NCAPD2: variants seen among roughly 807,000 people sequenced by gnomAD.
NCAPD2 encodes the protein condensin complex subunit 1.
NCAPD2 carries 100 observed loss-of-function variants against 164.5 expected under a neutral mutation model. The observed-to-expected ratio is 0.61, with a 90% confidence interval of 0.52 to 0.72. The LOEUF is 0.72. NCAPD2 is among the 30% of genes least tolerant of loss of function. The probability of loss-of-function intolerance (pLI) is 0.00; values close to 1 mark genes in which losing one functional copy is unlikely to be tolerated. For missense variants in NCAPD2, 1,560 were observed against 1,749.2 expected (o/e 0.89, Z 1.93); for synonymous variants, 585 against 642.6 (o/e 0.91, Z 1.36).
rs191498990 is a variant in NCAPD2 at position 6,525,255 on chromosome 12, T to A, written c.2215-328T>A. 3.9e-5 allele frequency among the ~76,000 whole-genome samples: 6 copies of A among 152,352 alleles called. No homozygotes were observed. In the East Asian group the frequency reaches 1.2e-3, roughly 29 times the overall value. On this transcript the variant is annotated intron_variant, in intron 17 of 31. Coordinates refer to ENST00000315579, the MANE Select transcript of NCAPD2 (RefSeq NM_014865.4). ...TGAAAAGGCAAGGAAGGATGATGGC[T>A]TCCATGTTGGACATGTTGAGTTTGT...
chr12:6,505,022 T>C (rs945852836), intron 2 of NCAPD2, among the ~76,000 whole-genome samples: 2 of 152,166 alleles, frequency 1.3e-5, no homozygotes, highest in Non-Finnish European at 1.5e-5. Context: ...TTTAGACACA[T>C]GAAAAATACC....
rs1324153059 is a variant in NCAPD2 at position 6,531,227 on chromosome 12, C to A, written c.4121-100C>A. 1 of 1,481,576 alleles carries A rather than the reference C, an allele frequency of 6.7e-7. No homozygotes were observed. Among genetic ancestry groups the A allele is most frequent in the Non-Finnish European group, 9.3e-7 (1 of 1,078,584 alleles). The allele number at this position is 1,481,576 out of a possible 1,614,324, so 91.8% of individuals were successfully genotyped here. A position where few individuals can be genotyped will look rare whatever the true frequency, so the allele number is the denominator to read the frequency against. On this transcript the variant is annotated intron_variant, in intron 31 of 31. Transcript: ENST00000315579. This position sits in a 1 kb window ranked among gnomAD's most constrained non-coding sequence, Gnocchi z 4.1. ...CTCCTGTACAGCTTGGATTTTATTT[C>A]TTCTGTGCGGTGTGGGATTGTCTCA...
intron 2 of NCAPD2, among the ~76,000 whole-genome samples, chr12:6,507,624 GA>G (rs1472221822): frequency 7.9e-5 from 12 of 152,314 alleles, no homozygotes; most frequent in African/African-American, 2.9e-4. Context: ...ATAAGGGAGA[GA>G]GGGGAAAAGG....
Position 6,514,806 on chromosome 12 carries a change from T to C in NCAPD2, c.873T>C (p.Ser291=). ...EIGQKCPQEL[S]RDPSGTKGFA... is the part of the protein sequence containing the mutation. ...GACAAAAGTGTCCCCAAGAGCTGAG[T>C]CGAGACCCTTCAGGGACAAAGGGCT... Residue 291 remains serine, a synonymous_variant, in exon 9 of 32, where the codon AGT becomes AGC. Transcript: ENST00000315579. 3 of 1,614,180 alleles carry C rather than the reference T, an allele frequency of 1.9e-6. No homozygotes were observed. Among genetic ancestry groups the C allele is most frequent in the Non-Finnish European group, 2.5e-6 (3 of 1,180,030 alleles).
At chr12:6,512,161 A>G (rs1946155263) in intron 6 of NCAPD2, among the ~76,000 whole-genome samples, 2 of 151,134 alleles carry the variant, frequency 1.3e-5, no homozygotes, top group African/African-American at 4.9e-5. Context: ...AGTCCCAGCT[A>G]CTCAGGAGGC....
chr12:6,529,342 T>TG (rs1946349321), intron 27 of NCAPD2, 171 bp from the exon 28 acceptor site: 2 of 655,204 alleles, frequency 3.1e-6, no homozygotes, highest in South Asian at 1.9e-5. Flanking sequence ...GGGGGCGGGG[T>TG]GGGGTCCCTC....
At chr12:6,519,900 G>T (rs1423080970) in intron 13 of NCAPD2, among the ~76,000 whole-genome samples, 3 of 151,192 alleles carry the variant, frequency 2.0e-5, no homozygotes, top group Non-Finnish European at 4.4e-5. Flanking sequence ...ATGGCCAGGT[G>T]CAGTGGCTCA....
Position 6,527,996 on chromosome 12 carries a change from ACT to A in NCAPD2, c.3051_3052del (p.Leu1018AlafsTer2). 1 of 1,614,036 alleles carries A rather than the reference ACT, an allele frequency of 6.2e-7. No individual in the cohort carries two copies. Among genetic ancestry groups the A allele is most frequent in the Non-Finnish European group, 8.5e-7 (1 of 1,179,998 alleles). The part of the protein sequence containing the change: ...GKQTLAAFVP[L>X]LLKVCNNPGL... ...AACAGACACTGGCTGCCTTTGTTCCACTCTTGCTTAAAGTCTGTAACAACCCA... is the reference window on the plus strand; with the variant it reads ...AACAGACACTGGCTGCCTTTGTTCCACTTGCTTAAAGTCTGTAACAACCCA... On this transcript the variant is annotated frameshift_variant, in exon 24 of 32. Transcript: ENST00000315579. LOFTEE classifies it high-confidence loss of function.
chr12:6,506,476 G>A (rs1283184732), intron 2 of NCAPD2, among the ~76,000 whole-genome samples: 3 of 151,906 alleles, frequency 2.0e-5, no homozygotes, highest in Non-Finnish European at 4.4e-5. Context: ...GGTAGTCCCA[G>A]CTACTCGGGA....
At chr12:6,516,426 C>T (rs1180222436) in intron 9 of NCAPD2, among the ~76,000 whole-genome samples, 2 of 151,124 alleles carry the variant, frequency 1.3e-5, no homozygotes, top group African/African-American at 4.9e-5. Flanking sequence ...CACTTGAACC[C>T]GGGAGTCAGA....
chr12:6,513,735 T>TTTTTTTTTTGC (rs1343281456), intron 6 of NCAPD2, among the ~76,000 whole-genome samples: 1 of 92,820 alleles, frequency 1.1e-5, no homozygotes, highest in Non-Finnish European at 2.2e-5. Flanking sequence ...TTTTTTTTTG[T>TTTTTTTTTTGC]GATGGAGTCT....
rs979619869 is a variant in NCAPD2 at position 6,531,267 on chromosome 12, T to C, written c.4121-60T>C. 3.9e-6 allele frequency: 6 copies of C among 1,546,738 alleles called. No homozygotes were observed. The highest frequency in any genetic ancestry group is 3.4e-5 in the South Asian group (3 of 88,524). On this transcript the variant is annotated intron_variant, in intron 31 of 31. Coordinates refer to ENST00000315579, the MANE Select transcript of NCAPD2 (RefSeq NM_014865.4). This position sits in a 1 kb window ranked among gnomAD's most constrained non-coding sequence, Gnocchi z 4.1. ...GGATTGTCTCACTTGTTCTCTGATA[T>C]CTATTTTTTCACCATCTTTGTGACT...
chr12:6,513,708 A>ATTTTTTTTTTTTTTTTT (rs1946171330), intron 6 of NCAPD2, among the ~76,000 whole-genome samples: 1 of 63,206 alleles, frequency 1.6e-5, no homozygotes, highest in Non-Finnish European at 3.2e-5. Flanking sequence ...GTCATTGGTG[A>ATTTTTTTTTTTTTTTTT]CTTTGTCTTT....
intron 29 of NCAPD2, 116 bp downstream of exon 29, chr12:6,530,074 T>G: frequency 8.4e-7 from 1 of 1,192,732 alleles, no homozygotes; most frequent in Non-Finnish European, 1.2e-6. Context: ...TATCCCCAGC[T>G]GGGTTGCAAC....
chr12:6,497,321 G>A (rs1400511623), intron 2 of NCAPD2, among the ~76,000 whole-genome samples: 3 of 149,372 alleles, frequency 2.0e-5, no homozygotes, highest in Non-Finnish European at 4.4e-5. Context: ...AAGTTCTGGA[G>A]TACACGTACA....
rs1323187402 is a variant in NCAPD2, at chr12:6,523,127, T to C, written c.2129+125T>C. The C allele has an allele frequency of 3.5e-6, 5 of 1,432,668 alleles. No individual in the cohort carries two copies. The African/African-American group carries it at 4.2e-5, about 12-fold the overall frequency. The allele number at this position is 1,432,668 out of a possible 1,614,324, so 88.7% of individuals were successfully genotyped here. ...TTCCAGATCCATAGGCAGTCCATCA[T>C]AGTGGGGCTTAGGGTGGGGCTCGGT... is the stretch of plus-strand genomic sequence containing the variant. On this transcript the variant is annotated intron_variant, in intron 16 of 31. Transcript: ENST00000315579.
At chr12:6,498,353 C>T (rs1485172066) in intron 2 of NCAPD2, among the ~76,000 whole-genome samples, 2 of 152,174 alleles carry the variant, frequency 1.3e-5, no homozygotes, top group Non-Finnish European at 2.9e-5. Flanking sequence ...AGACATTGTT[C>T]TAAGCATTGA....
chr12:6,506,384 C>G (rs1048609350), intron 2 of NCAPD2, among the ~76,000 whole-genome samples: 2 of 151,928 alleles, frequency 1.3e-5, no homozygotes, highest in Non-Finnish European at 2.9e-5. Context: ...GTCAGGAGAT[C>G]GAGACCATCC....
At chr12:6,495,354 T>G in intron 2 of NCAPD2, 129 bp downstream of exon 2, 1 of 1,233,276 alleles carries the variant, frequency 8.1e-7, no homozygotes, top group Non-Finnish European at 1.1e-6. Context: ...TTTTTCCTAT[T>G]TTGCTGTTTT....
Sources: gnomAD v4.1 joint callset for allele counts (sites outside exome capture counted in the v4.1 genomes callset) on GRCh38, gnomAD v4.1.1 for gene constraint, Gnocchi (gnomAD v3.1) non-coding constraint, MANE v1.5 for transcripts, NCBI Gene and HGNC (gene_info 2026-07-23, HGNC 2026-07-21) for gene names.